Variants in INSC observed in about 807,000 individuals in gnomAD.
The protein encoded by INSC is INSC spindle orientation adaptor protein.
In INSC, 67 loss-of-function variants were observed where a neutral mutation model predicts 58.6. That is an observed-to-expected ratio of 1.14 (90% CI 0.94 to 1.40). The LOEUF is 1.40. Among genes scored for constraint, INSC ranks in the 40% most tolerant of loss-of-function variants. The probability of loss-of-function intolerance (pLI) is 0.00; values close to 1 mark genes in which losing one functional copy is unlikely to be tolerated. For missense variants in INSC, 714 were observed against 692.0 expected, an observed-to-expected ratio of 1.03 and a Z score of -0.36; for synonymous variants, 262 against 276.1, an observed-to-expected ratio of 0.95 and a Z score of 0.51.
intron 12 of INSC, among the ~76,000 whole-genome samples, chr11:15,240,879 C>T (rs1482593293): frequency 6.6e-6 from 1 of 152,238 alleles, no homozygotes; most frequent in African/African-American, 2.4e-5. Context: ...TAGGGATATC[C>T]CCTGCCTATT....
At chr11:15,230,021 TATATATA>T (rs1851861948) in intron 9 of INSC, among the ~76,000 whole-genome samples, 2 of 54,396 alleles carry the variant, frequency 3.7e-5, no homozygotes, top group African/African-American at 1.6e-4. Context: ...ATAATATATA[TATATATA>T]TATATATATA....
At chr11:15,255,303 A>G in the INSC span, among the ~76,000 whole-genome samples, 10 of 152,230 alleles carry the variant, frequency 6.6e-5, no homozygotes, top group Non-Finnish European at 1.3e-4. Flanking sequence ...ACAATATTTT[A>G]ACACTTGTTA....
chr11:15,231,929 C>G (rs1029042175), intron 9 of INSC, among the ~76,000 whole-genome samples: 75 of 152,278 alleles, frequency 4.9e-4, no homozygotes, highest in African/African-American at 1.8e-3. Flanking sequence ...CTGGTTCACA[C>G]CTTGGCATCG....
At chr11:15,260,287 A>G in the INSC span, among the ~76,000 whole-genome samples, 1 of 152,130 alleles carries the variant, frequency 6.6e-6, no homozygotes, top group Non-Finnish European at 1.5e-5. Context: ...TTATTGTGCT[A>G]TTGACTGGGT....
intron 2 of INSC, among the ~76,000 whole-genome samples, chr11:15,169,596 TAGTGG>T (rs1849322779): frequency 1.3e-5 from 2 of 152,018 alleles, no homozygotes; most frequent in Non-Finnish European, 2.9e-5. Context: ...GGCTGGAGTG[TAGTGG>T]TATGATCTCT....
At chr11:15,240,270 A>C (rs1852292797) in intron 11 of INSC, among the ~76,000 whole-genome samples, 177 bp from the exon 12 acceptor site, 1 of 152,102 alleles carries the variant, frequency 6.6e-6, no homozygotes, top group African/African-American at 2.4e-5. Context: ...GCTTGGCCTG[A>C]CCCTGACCCG....
At chr11:15,129,839 G>T (rs1391603776) in intron 1 of INSC, among the ~76,000 whole-genome samples, 1 of 152,136 alleles carries the variant, frequency 6.6e-6, no homozygotes. Context: ...TAAGAATTAG[G>T]GAAAGGTACC....
intron 5 of INSC, chr11:15,184,310 A>T (rs900786478): frequency 6.6e-6 from 1 of 152,340 alleles, no homozygotes; most frequent in South Asian, 1.7e-4. Flanking sequence ...CAGTTTTTGG[A>T]TTTTTTTTTT....
intron 2 of INSC, among the ~76,000 whole-genome samples, chr11:15,166,172 T>C (rs1849190012): frequency 6.6e-6 from 1 of 152,182 alleles, no homozygotes; most frequent in South Asian, 2.1e-4. Flanking sequence ...CCTGGTGTCA[T>C]GTGGGGACAG....
chr11:15,147,545 T>C (rs1288284044), intron 1 of INSC, among the ~76,000 whole-genome samples: 6 of 152,228 alleles, frequency 3.9e-5, no homozygotes. Context: ...TTATCCTCAG[T>C]TACAGATGAA....
chr11:15,144,601 A>G (rs1848449480), intron 1 of INSC, among the ~76,000 whole-genome samples: 1 of 152,210 alleles, frequency 6.6e-6, no homozygotes, highest in Admixed American at 6.5e-5. Context: ...TGTCCCTTCC[A>G]TGTTGACAGC....
Position 15,240,534 on chromosome 11 carries a change from A to C in INSC, c.1470+11A>C, listed in dbSNP as rs140254270. 1.1e-5 allele frequency: 17 copies of C among 1,610,830 alleles called. 1 individual carries two copies. The Middle Eastern group carries it at 2.1e-3, about 203-fold the overall frequency. The stretch of plus-strand genomic sequence containing the variant: ...CTTGTGGCCTGCCTGGTGAGTTCTC[A>C]GTCTTCCCCCAGCTTTTCCCCTGGC... On this transcript the variant is annotated intron_variant, in intron 12 of 12. Coordinates refer to ENST00000379556, the MANE Select transcript of INSC (RefSeq NM_001042536.3).
intron 12 of INSC, among the ~76,000 whole-genome samples, chr11:15,241,231 G>A (rs1464222030): frequency 6.6e-6 from 1 of 152,188 alleles, no homozygotes; most frequent in Admixed American, 6.5e-5. Context: ...TTAGGAGTAG[G>A]GAAGCCACTC....
At chr11:15,237,516 C>T (rs548864221) in intron 10 of INSC, among the ~76,000 whole-genome samples, 11 of 152,238 alleles carry the variant, frequency 7.2e-5, no homozygotes, top group African/African-American at 2.4e-4. Context: ...GGCAGTCTCA[C>T]GGGGTTTACC....
At chr11:15,131,995 C>T (rs1189850527) in intron 1 of INSC, among the ~76,000 whole-genome samples, 1 of 151,996 alleles carries the variant, frequency 6.6e-6, no homozygotes, top group African/African-American at 2.4e-5. Flanking sequence ...TACATACTTT[C>T]TTTCTTTGTT....
chr11:15,150,590 G>A (rs1458127995), intron 2 of INSC, among the ~76,000 whole-genome samples: 2 of 152,200 alleles, frequency 1.3e-5, no homozygotes, highest in Non-Finnish European at 2.9e-5. Context: ...TGAGACCCTT[G>A]TGAATAAATA....
chr11:15,134,635 T>G (rs577031023), intron 1 of INSC, among the ~76,000 whole-genome samples: 1 of 152,326 alleles, frequency 6.6e-6, no homozygotes, highest in African/African-American at 2.4e-5. Context: ...CTTCCATGTG[T>G]GTAGCACATT....
intron 12 of INSC, 32 bp downstream of exon 12, chr11:15,240,555 C>T (rs2133979596): frequency 6.3e-7 from 1 of 1,593,478 alleles, no homozygotes; most frequent in Non-Finnish European, 8.6e-7. Flanking sequence ...AGCTTTTCCC[C>T]TGGCCTTCGG....
intron 7 of INSC, among the ~76,000 whole-genome samples, chr11:15,205,734 G>T (rs943189809): frequency 6.6e-6 from 1 of 152,156 alleles, no homozygotes; most frequent in Non-Finnish European, 1.5e-5. Flanking sequence ...GAGACTCCGA[G>T]ACAGTGTTTC....
Sources: gnomAD v4.1 joint callset for allele counts (sites outside exome capture counted in the v4.1 genomes callset) on GRCh38, gnomAD v4.1.1 for gene constraint, MANE v1.5 for transcripts, NCBI Gene and HGNC (gene_info 2026-07-23, HGNC 2026-07-21) for gene names.